UBXN2B: variants seen among roughly 807,000 people sequenced by gnomAD.
The protein encoded by UBXN2B is UBX domain-containing protein 2B.
Under a neutral mutation model 37.5 loss-of-function variants are expected in UBXN2B, and 19 were observed. The ratio of observed to expected loss-of-function variants is 0.51; its 90% CI spans 0.35 to 0.74. UBXN2B has a LOEUF of 0.74. Ranked by LOEUF, UBXN2B falls within the 30% of genes least tolerant of loss-of-function variation. The pLI is 0.01. For synonymous variants in UBXN2B, 145 were observed against 143.8 expected, an observed-to-expected ratio of 1.01 and a Z score of -0.06; for missense variants, 370 against 393.2, an observed-to-expected ratio of 0.94 and a Z score of 0.50.
chr8:58,420,352 T>A (rs547999902), intron 2 of UBXN2B, among the ~76,000 whole-genome samples: 9 of 152,186 alleles, frequency 5.9e-5, no homozygotes, highest in South Asian at 2.1e-4. Context: ...GTCATTTTTT[T>A]AAAAAACAGT....
chr8:58,435,389 CCAAA>C (rs1808385453), intron 5 of UBXN2B, among the ~76,000 whole-genome samples: 1 of 152,022 alleles, frequency 6.6e-6, no homozygotes, highest in African/African-American at 2.4e-5. Flanking sequence ...TGTCAGGATA[CCAAA>C]CAAAGGCAAC....
At chr8:58,445,006 A>G (rs1191376599) in intron 6 of UBXN2B, among the ~76,000 whole-genome samples, 2 of 152,244 alleles carry the variant, frequency 1.3e-5, no homozygotes, top group African/African-American at 4.8e-5. Flanking sequence ...TTTCTTCCAG[A>G]AGAAAATAAT....
At chr8:58,435,239 C>A in intron 5 of UBXN2B, 1 of 783,996 alleles carries the variant, frequency 1.3e-6, no homozygotes, top group South Asian at 3.3e-5. Context: ...CAGGGTTATA[C>A]TCCATAAAGG....
In UBXN2B at chr8:58,416,968, G is replaced by T. The variant is rs1563455993; in HGVS notation, c.188+15G>T. The stretch of plus-strand genomic sequence containing the variant: ...CCACCTCAACGGTAAGTTTTATTTT[G>T]TTTTGTTGTAAAAAGAAATTATAAT... On this transcript the variant is annotated intron_variant, in intron 2 of 7. Transcript: ENST00000399598. 1 of 1,548,186 alleles carries T rather than the reference G, an allele frequency of 6.5e-7. No individual in the cohort carries two copies. The highest frequency in any genetic ancestry group is 2.3e-5 in the East Asian group (1 of 43,346).
intron 4 of UBXN2B, among the ~76,000 whole-genome samples, chr8:58,433,920 G>A (rs1344226796): frequency 6.6e-6 from 1 of 152,084 alleles, no homozygotes; most frequent in Admixed American, 6.6e-5. Context: ...TTGAAATTTT[G>A]GAGTTTTAAT....
chr8:58,426,105 A>T (rs1202389857), intron 2 of UBXN2B: 4 of 1,349,662 alleles, frequency 3.0e-6, no homozygotes, highest in Non-Finnish European at 3.2e-6. Flanking sequence ...TTCTCTTTTA[A>T]TTGCCCGTGA....
chr8:58,422,650 G>A (rs1313236630), intron 2 of UBXN2B, among the ~76,000 whole-genome samples: 1 of 152,208 alleles, frequency 6.6e-6, no homozygotes, highest in Non-Finnish European at 1.5e-5. Flanking sequence ...CTAAAAACCA[G>A]TGGCATTAAG....
intron 7 of UBXN2B, among the ~76,000 whole-genome samples, chr8:58,446,825 T>C (rs1360126259): frequency 2.4e-5 from 3 of 124,290 alleles, no homozygotes; most frequent in African/African-American, 9.4e-5. Flanking sequence ...TGAGACAGAG[T>C]CTTACTCTGT....
intron 3 of UBXN2B, among the ~76,000 whole-genome samples, chr8:58,431,958 G>T (rs548568416): frequency 1.3e-5 from 2 of 152,132 alleles, no homozygotes; most frequent in African/African-American, 4.8e-5. Flanking sequence ...GTTGAGTTTT[G>T]AGAATTCTTT....
At chr8:58,446,939 G>C (rs1808692142) in intron 7 of UBXN2B, among the ~76,000 whole-genome samples, 1 of 151,354 alleles carries the variant, frequency 6.6e-6, no homozygotes, top group Non-Finnish European at 1.5e-5. Context: ...TGGGATTACA[G>C]ACAGCCACCA....
intron 1 of UBXN2B, among the ~76,000 whole-genome samples, chr8:58,416,104 T>G (rs1807776171): frequency 1.3e-5 from 2 of 151,574 alleles, no homozygotes; most frequent in African/African-American, 4.8e-5. Flanking sequence ...ATGCCAATTA[T>G]AATTGAATAG....
At chr8:58,445,758 C>T (rs1057362681) in intron 6 of UBXN2B, 149 bp from the exon 7 acceptor site, 2 of 640,676 alleles carry the variant, frequency 3.1e-6, no homozygotes, top group East Asian at 3.4e-5. Flanking sequence ...AAATAAGAAT[C>T]GTAGGATCCA....
In UBXN2B at chr8:58,450,521, C is replaced by T. The variant is rs1164491374; in HGVS notation, c.*2970C>T. 4.6e-5 allele frequency: 7 copies of T among 152,158 alleles called. No homozygotes were observed. Among genetic ancestry groups the T allele is most frequent in the Non-Finnish European group, 8.8e-5 (6 of 68,030 alleles). 9.4% of individuals were successfully genotyped at this position (152,158 alleles called of 1,614,324 possible). ...TATTCTATGGCAATCGAGGTATTCT[C>T]TATTATGCTCCTTTCTTCAAGGCCG... On this transcript the variant is annotated 3_prime_UTR_variant, in exon 8 of 8. Transcript: ENST00000399598.
intron 4 of UBXN2B, 45 bp from the exon 5 acceptor site, chr8:58,434,350 T>A (rs1184731263): frequency 3.1e-5 from 6 of 194,288 alleles, no homozygotes; most frequent in South Asian, 1.6e-4. Flanking sequence ...TATATGTGAA[T>A]ATATATATAT....
chr8:58,432,375 C>CGTTTT (rs1554552059), intron 3 of UBXN2B, among the ~76,000 whole-genome samples: 26 of 81,506 alleles, frequency 3.2e-4, no homozygotes, highest in Non-Finnish European at 4.9e-4. Context: ...TTCTAAATTT[C>CGTTTT]TTTTTTTTTT....
intron 2 of UBXN2B, among the ~76,000 whole-genome samples, chr8:58,421,517 A>G (rs1807923556): frequency 6.6e-6 from 1 of 152,186 alleles, no homozygotes; most frequent in African/African-American, 2.4e-5. Context: ...AGCAACCTAG[A>G]AGTAGACAAA....
rs1256605998 is a variant in UBXN2B at position 58,438,903 on chromosome 8, G to A, written c.534-730G>A. On this transcript the variant is annotated intron_variant, in intron 5 of 7. Transcript: ENST00000399598. Reference sequence around the variant, plus strand: ...TCCATTACTGAGGTGGGGCTGGTGGGAGGTTTTGGATCATGGAGGCAGATC... The same window carrying A: ...TCCATTACTGAGGTGGGGCTGGTGGAAGGTTTTGGATCATGGAGGCAGATC... Among the ~76,000 whole-genome samples, 3 of 152,254 alleles carry A rather than the reference G, an allele frequency of 2.0e-5. No individual in the cohort carries two copies. The East Asian group carries it at 5.8e-4, about 29-fold the overall frequency.
At chr8:58,432,017 T>C (rs899369130) in intron 3 of UBXN2B, among the ~76,000 whole-genome samples, 1 of 152,222 alleles carries the variant, frequency 6.6e-6, no homozygotes, top group African/African-American at 2.4e-5. Context: ...GGTTTGTAAA[T>C]ATTTTCTCTC....
chr8:58,414,143 C>G (rs557861492), intron 1 of UBXN2B, among the ~76,000 whole-genome samples: 1 of 152,306 alleles, frequency 6.6e-6, no homozygotes, highest in African/African-American at 2.4e-5. Flanking sequence ...GATAGCTGTT[C>G]TGATAACTGT....
Sources: allele counts gnomAD v4.1 joint callset (sites outside exome capture counted in the v4.1 genomes callset), GRCh38; gene constraint gnomAD v4.1.1; transcripts MANE v1.5; gene names NCBI Gene and HGNC (gene_info 2026-07-23, HGNC 2026-07-21).